Variants in TRPM3 observed in about 807,000 individuals in gnomAD.
TRPM3 encodes the protein transient receptor potential cation channel subfamily M member 3.
TRPM3 carries 77 observed loss-of-function variants against 181.2 expected under a neutral mutation model. The ratio of observed to expected loss-of-function variants is 0.42; its 90% CI spans 0.35 to 0.51. The LOEUF is 0.51. TRPM3 is among the 20% of genes least tolerant of loss of function. TRPM3 has a pLI of 0.01. For missense variants in TRPM3, 1,759 were observed against 2,196.7 expected (o/e 0.80, Z 3.98); for synonymous variants, 745 against 796.4 (o/e 0.94, Z 1.09).
intron 5 of TRPM3, among the ~76,000 whole-genome samples, chr9:70,833,562 G>T (rs1423390958): frequency 1.3e-5 from 2 of 152,138 alleles, no homozygotes; most frequent in African/African-American, 4.8e-5. Flanking sequence ...AATTATAGGG[G>T]CTCAAAGAGG....
intron 21 of TRPM3, among the ~76,000 whole-genome samples, chr9:70,593,026 G>A (rs926525904): frequency 6.6e-6 from 1 of 152,070 alleles, no homozygotes; most frequent in Non-Finnish European, 1.5e-5. Flanking sequence ...CACTGTGCCC[G>A]GCCACGATTT....
intron 11 of TRPM3, among the ~76,000 whole-genome samples, chr9:70,637,670 G>A (rs139620265): frequency 8.7e-4 from 132 of 152,176 alleles, no homozygotes; most frequent in African/African-American, 2.7e-3. Flanking sequence ...TGGTGCCAGC[G>A]TGGCACCATC....
chr9:71,416,598 C>A (rs187333862), intron 1 of TRPM3, among the ~76,000 whole-genome samples: 33 of 151,854 alleles, frequency 2.2e-4, no homozygotes, highest in African/African-American at 7.5e-4. Flanking sequence ...AAAAACATAA[C>A]CAGTAAAATG....
chr9:70,685,977 C>T (rs2066645221), intron 8 of TRPM3, among the ~76,000 whole-genome samples: 1 of 150,636 alleles, frequency 6.6e-6, no homozygotes, highest in Admixed American at 6.6e-5. Context: ...TTATATATAT[C>T]CTATAAATTA....
chr9:70,781,952 G>A (rs1370600180), intron 7 of TRPM3, among the ~76,000 whole-genome samples: 1 of 151,938 alleles, frequency 6.6e-6, no homozygotes, highest in Non-Finnish European at 1.5e-5. Flanking sequence ...AACCTGAAAT[G>A]CTGAGGTGAA....
At chr9:70,619,333 C>T (rs2063258057) in intron 16 of TRPM3, among the ~76,000 whole-genome samples, 1 of 151,728 alleles carries the variant, frequency 6.6e-6, no homozygotes. Flanking sequence ...GTACTCAGGC[C>T]CTCAGATTCA....
chr9:70,922,777 T>G (rs1417877241), intron 1 of TRPM3, among the ~76,000 whole-genome samples: 1 of 152,200 alleles, frequency 6.6e-6, no homozygotes, highest in Non-Finnish European at 1.5e-5. Flanking sequence ...GTTATTGTAG[T>G]GCAGCTAAGT....
intron 1 of TRPM3, among the ~76,000 whole-genome samples, chr9:71,212,226 C>G (rs2079552365): frequency 6.6e-6 from 1 of 152,202 alleles, no homozygotes; most frequent in Admixed American, 6.5e-5. Context: ...AAGCCATCCT[C>G]CCATCTCTGC....
intron 1 of TRPM3, among the ~76,000 whole-genome samples, chr9:71,324,973 G>C (rs1357753086): frequency 6.6e-6 from 1 of 152,040 alleles, no homozygotes; most frequent in Non-Finnish European, 1.5e-5. Context: ...AAGATGAAGA[G>C]AAGTGGTTTA....
chr9:71,304,862 C>T lies in TRPM3; in HGVS notation c.183+141791G>A, dbSNP rs190283859. ...TGGGTTCTGTAGCTCGGGTGAATCT[C>T]TCATTTTGATCATGGTCTTCTCTCC... is the stretch of plus-strand genomic sequence containing the variant. On this transcript the variant is annotated intron_variant, in intron 1 of 24. Transcript: ENST00000357533. Among the ~76,000 whole-genome samples the T allele has an allele frequency of 9.9e-5, 15 of 152,272 alleles. No homozygotes were observed. The East Asian group carries it at 2.9e-3, about 29-fold the overall frequency.
chr9:70,573,687 C>CA (rs566752152), intron 22 of TRPM3, among the ~76,000 whole-genome samples: 71 of 150,878 alleles, frequency 4.7e-4, no homozygotes, highest in Middle Eastern at 3.4e-3. Context: ...GTAAAGTTTT[C>CA]AAAAAAAAAC....
chr9:71,128,131 C>T (rs772414318), intron 1 of TRPM3, among the ~76,000 whole-genome samples: 1 of 152,202 alleles, frequency 6.6e-6, no homozygotes, highest in Non-Finnish European at 1.5e-5. Context: ...AAGAGACCCA[C>T]CTCTGACTCT....
intron 1 of TRPM3, among the ~76,000 whole-genome samples, chr9:70,955,963 C>T (rs2097064942): frequency 6.6e-6 from 1 of 152,180 alleles, no homozygotes; most frequent in Admixed American, 6.5e-5. Context: ...ATCATTATCT[C>T]TGACAACCTT....
intron 1 of TRPM3, among the ~76,000 whole-genome samples, chr9:71,382,033 T>C (rs1425343118): frequency 6.6e-6 from 1 of 152,148 alleles, no homozygotes; most frequent in African/African-American, 2.4e-5. Flanking sequence ...AATAGATAAA[T>C]GCATGCATGT....
intron 1 of TRPM3, among the ~76,000 whole-genome samples, chr9:71,304,810 AG>A (rs1485701471): frequency 6.6e-6 from 1 of 152,196 alleles, no homozygotes; most frequent in Non-Finnish European, 1.5e-5. Flanking sequence ...TAGACGGAAC[AG>A]ATTATGTTTT....
intron 1 of TRPM3, among the ~76,000 whole-genome samples, chr9:71,099,297 T>C (rs1040050901): frequency 6.6e-6 from 1 of 152,156 alleles, no homozygotes; most frequent in African/African-American, 2.4e-5. Flanking sequence ...AGGAGGGCTC[T>C]TTCTTTATGA....
intron 1 of TRPM3, among the ~76,000 whole-genome samples, chr9:70,893,390 T>C (rs2132883830): frequency 6.6e-6 from 1 of 152,246 alleles, no homozygotes; most frequent in South Asian, 2.1e-4. Context: ...TCTCATTAGG[T>C]TCAAGTGAAT....
chr9:71,117,158 A>C (rs576485375), intron 1 of TRPM3, among the ~76,000 whole-genome samples: 13 of 152,288 alleles, frequency 8.5e-5, no homozygotes, highest in Admixed American at 7.8e-4. Flanking sequence ...CCAGGTTCTC[A>C]TCAATTCCCC....
At chr9:71,237,097 T>TGGGGAAG (rs2081404233) in intron 1 of TRPM3, among the ~76,000 whole-genome samples, 5 of 119,718 alleles carry the variant, frequency 4.2e-5, no homozygotes, top group African/African-American at 1.3e-4. Flanking sequence ...GGAAGGGGGA[T>TGGGGAAG]GGGGAAAGGG....
Sources: allele counts gnomAD v4.1 joint callset (sites outside exome capture counted in the v4.1 genomes callset), GRCh38; gene constraint gnomAD v4.1.1; transcripts MANE v1.5; gene names NCBI Gene and HGNC (gene_info 2026-07-23, HGNC 2026-07-21).